TRPV5: variants seen among roughly 807,000 people sequenced by gnomAD.
TRPV5 encodes calcium transport protein 2.
A neutral mutation model predicts 74.1 loss-of-function variants in TRPV5; 66 were observed. The observed-to-expected ratio is 0.89, with a 90% CI of 0.73 to 1.09. The LOEUF (loss-of-function observed/expected upper bound fraction) is 1.09. Ranked by LOEUF, TRPV5 falls within the 50% of genes least tolerant of loss-of-function variation. The probability of loss-of-function intolerance (pLI) is 0.00; values close to 1 mark genes in which losing one functional copy is unlikely to be tolerated. For synonymous variants in TRPV5, 399 were observed against 360.7 expected (o/e 1.11, Z -1.20); for missense variants, 936 against 930.4 (o/e 1.01, Z -0.08).
chr7:142,912,485 G>A lies in TRPV5; in HGVS notation c.1785C>T (p.Ala595=), dbSNP rs770782278. The A allele has an allele frequency of 1.9e-6, 3 of 1,612,246 alleles. No homozygotes were observed. Among genetic ancestry groups the A allele is most frequent in the South Asian group, 1.1e-5 (1 of 90,996 alleles). The change falls in exon 13 of 15, where the codon GCC becomes GCT. Residue 595 remains alanine, a synonymous_variant. Transcript: ENST00000265310. ...VAQERDELWR[A]QVVATTVMLE... ...AGACTAACACAAATAAACTCACCTG[G>A]GCCCTCCAGAGCTCATCCCTCTCCT...
Position 142,930,015 on chromosome 7 carries a change from C to T in TRPV5, c.349+43G>A, listed in dbSNP as rs1368672810. The T allele has an allele frequency of 2.1e-5, 34 of 1,613,416 alleles. No homozygotes were observed. The Admixed American group carries it at 5.2e-4, about 25-fold the overall frequency. On this transcript the variant is annotated intron_variant, in intron 3 of 14. Transcript: ENST00000265310. ...TTTTAAGAGACAACAGCACACCCTC[C>T]ATCTCAAAGTTTCCACCTTGAATTA...
intron 8 of TRPV5, among the ~76,000 whole-genome samples, chr7:142,918,351 A>T (rs1201916951): frequency 6.6e-6 from 1 of 152,212 alleles, no homozygotes; most frequent in East Asian, 1.9e-4. Context: ...TTACTCATTC[A>T]GTTCCCAATT....
intron 8 of TRPV5, among the ~76,000 whole-genome samples, chr7:142,921,440 C>A (rs1795884520): frequency 6.6e-6 from 1 of 152,138 alleles, no homozygotes; most frequent in Non-Finnish European, 1.5e-5. Context: ...CACCACCATG[C>A]CTGGCTAATT....
chr7:142,909,841 C>T (rs774675517), intron 13 of TRPV5, among the ~76,000 whole-genome samples: 8 of 152,332 alleles, frequency 5.3e-5, no homozygotes, highest in Non-Finnish European at 1.2e-4. Context: ...CCTTACATTA[C>T]TATTCACTCA....
intron 7 of TRPV5, among the ~76,000 whole-genome samples, chr7:142,926,358 A>G (rs546810192): frequency 9.8e-5 from 15 of 152,352 alleles, no homozygotes; most frequent in African/African-American, 3.6e-4. Flanking sequence ...ATAAGCAGCC[A>G]GTGAGACGTT....
At chr7:142,916,868 C>T (rs865955305) in intron 8 of TRPV5, among the ~76,000 whole-genome samples, 14 of 150,864 alleles carry the variant, frequency 9.3e-5, no homozygotes, top group Admixed American at 4.0e-4. Context: ...GGTCTAACAA[C>T]CTGTGACCAG....
rs760378826 is a variant in TRPV5 at position 142,909,541 on chromosome 7, C to A, written c.1844G>T (p.Arg615Leu). The A allele has an allele frequency of 6.2e-7, 1 of 1,614,056 alleles. No individual in the cohort carries two copies. Among genetic ancestry groups the A allele is most frequent in the South Asian group, 1.1e-5 (1 of 91,082 alleles). ...GAATTCGCACCCACAGATCCCGGAG[C>A]GAGGCCACAGGCAGCGAGGCAGCTT... ...ERKLPRCLWP[R>L]SGICGCEFGL... The change falls in exon 14 of 15, where the codon CGC (arginine) becomes CTC (leucine). Residue 615 changes from arginine (R) to leucine (L), a missense_variant. By Grantham distance (102) the Arg-to-Leu change is moderately radical (BLOSUM62 -2). Coordinates refer to ENST00000265310, the MANE Select transcript of TRPV5 (RefSeq NM_019841.7).
chr7:142,916,376 T>C (rs1013380909), intron 8 of TRPV5, among the ~76,000 whole-genome samples: 5 of 152,236 alleles, frequency 3.3e-5, no homozygotes, highest in African/African-American at 4.8e-5. Flanking sequence ...GTGAAACTTA[T>C]GCAATATCAC....
intron 6 of TRPV5, 25 bp from the exon 7 acceptor site, chr7:142,928,259 G>C (rs768427352): frequency 3.7e-6 from 6 of 1,613,902 alleles, no homozygotes; most frequent in African/African-American, 1.3e-5. Context: ...GGATGAGTCA[G>C]GGGGCCAACG....
At chr7:142,915,654 T>C in intron 8 of TRPV5, 86 bp from the exon 9 acceptor site, 8 of 1,375,310 alleles carry the variant, frequency 5.8e-6, no homozygotes, top group Non-Finnish European at 8.0e-6. Flanking sequence ...CTAAAGCCCA[T>C]CCAAAATAAA....
rs1340029994 is a variant in TRPV5, at chr7:142,930,379, G to A, written c.196C>T (p.Leu66=). ...NDLSVLRQLL[L]DCTCDVRQRG... ...TGTCGAACGTCACAGGTGCAGTCCA[G>A]TAGAAGTTGCCTAAGAACAGACAGG... The change falls in exon 2 of 15, where the codon CTG becomes TTG. Residue 66 remains leucine, a synonymous_variant. Transcript: ENST00000265310. 3 of 1,614,170 alleles carry A rather than the reference G, an allele frequency of 1.9e-6. No homozygotes were observed. The highest frequency in any genetic ancestry group is 1.7e-6 in the Non-Finnish European group (2 of 1,180,020).
At chr7:142,924,669 C>T (rs1795954361) in intron 8 of TRPV5, 1 of 152,040 alleles carries the variant, frequency 6.6e-6, no homozygotes. Flanking sequence ...TTCTCACTTG[C>T]TTTGCAAAAT....
chr7:142,925,261 A>G, intron 8 of TRPV5: 1 of 559,536 alleles, frequency 1.8e-6, no homozygotes, highest in Admixed American at 3.1e-5. Flanking sequence ...AATTACCAAA[A>G]AATTTCACAA....
At chr7:142,926,266 G>T (rs377029979) in intron 7 of TRPV5, among the ~76,000 whole-genome samples, 2 of 152,134 alleles carry the variant, frequency 1.3e-5, no homozygotes, top group Non-Finnish European at 2.9e-5. Flanking sequence ...GGTCAGATTT[G>T]CTCTAGAAGT....
Position 142,914,670 on chromosome 7 carries a change from T to C in TRPV5, c.1489A>G (p.Met497Val). 1.2e-6 allele frequency: 2 copies of C among 1,613,514 alleles called. No individual in the cohort carries two copies. The highest frequency in any genetic ancestry group is 1.7e-6 in the Non-Finnish European group (2 of 1,179,818). ...GCAAATCCCAAGATGACCACAGCCA[T>C]CAGCCAGCAGAAACGCATTAGGTCT... The part of the protein sequence containing the change: ...FGDLMRFCWL[M>V]AVVILGFASA... The change falls in exon 12 of 15, where the codon ATG (methionine) becomes GTG (valine). Residue 497 changes from methionine (M) to valine (V), a missense_variant. Met to Val is a conservative substitution (Grantham distance 21, BLOSUM62 1). Transcript: ENST00000265310.
At chr7:142,908,925 G>C in intron 14 of TRPV5, 117 bp from the exon 15 acceptor site, 1 of 1,025,500 alleles carries the variant, frequency 9.8e-7, no homozygotes, top group South Asian at 1.6e-5. Context: ...AGGCAGCAGA[G>C]TTGAAACAGG....
At chr7:142,914,008 T>C (rs898887038) in intron 12 of TRPV5, among the ~76,000 whole-genome samples, 1 of 152,204 alleles carries the variant, frequency 6.6e-6, no homozygotes, top group Admixed American at 6.5e-5. Flanking sequence ...TCCTTTCTTT[T>C]GCTCCCTGGC....
chr7:142,916,768 C>A (rs1483360002), intron 8 of TRPV5, among the ~76,000 whole-genome samples: 1 of 152,174 alleles, frequency 6.6e-6, no homozygotes, highest in African/African-American at 2.4e-5. Flanking sequence ...GCAGCACACT[C>A]ACCTGCCCGG....
At position 142,928,757 on chromosome 7, in the gene TRPV5, C is replaced by T; in HGVS notation, c.696G>A (p.Leu232=). The T allele has an allele frequency of 5.6e-6, 9 of 1,614,170 alleles. No individual in the cohort carries two copies. Among genetic ancestry groups the T allele is most frequent in the Non-Finnish European group, 7.6e-6 (9 of 1,180,022 alleles). The part of the protein sequence containing the change: ...YDGHGDHLQP[L]DLVPNHQGLT... ...GACCCTGGTGATTGGGCACAAGGTCCAGGGGCTGCAGGTGGTCCCCATGTC... is the reference window on the plus strand; with the variant it reads ...GACCCTGGTGATTGGGCACAAGGTCTAGGGGCTGCAGGTGGTCCCCATGTC... Residue 232 remains leucine, a synonymous_variant, in exon 6 of 15, where the codon CTG becomes CTA. Transcript: ENST00000265310.
Sources: gnomAD v4.1 joint callset for allele counts (sites outside exome capture counted in the v4.1 genomes callset) on GRCh38, gnomAD v4.1.1 for gene constraint, MANE v1.5 for transcripts, NCBI Gene and HGNC (gene_info 2026-07-23, HGNC 2026-07-21) for gene names.